Variants in DAB1 observed in about 807,000 individuals in gnomAD.
The protein encoded by DAB1 is disabled homolog 1.
A neutral mutation model predicts 64.6 loss-of-function variants in DAB1; 15 were observed. The observed-to-expected ratio is 0.23, with a 90% CI of 0.16 to 0.36. The LOEUF (loss-of-function observed/expected upper bound fraction) is 0.36, where lower values mean the gene tolerates loss of function less well. DAB1 is among the 10% of genes least tolerant of loss of function. The pLI, the probability that DAB1 is intolerant of heterozygous loss-of-function variation, is 1.00. For synonymous variants in DAB1, 235 were observed against 251.9 expected (o/e 0.93, Z 0.64); for missense variants, 596 against 706.7 (o/e 0.84, Z 1.78).
chr1:57,089,674 G>A (rs752205545), intron 4 of DAB1, among the ~76,000 whole-genome samples: 4 of 152,106 alleles, frequency 2.6e-5, no homozygotes, highest in Non-Finnish European at 5.9e-5. Flanking sequence ...ATCCGTCCCC[G>A]TGACCCAAAC....
chr1:57,716,845 G>T (rs1011221833), intron 6 of DAB1, among the ~76,000 whole-genome samples: 1 of 152,144 alleles, frequency 6.6e-6, no homozygotes, highest in Non-Finnish European at 1.5e-5. Context: ...TCTGACAGGG[G>T]TTAATACGTA....
chr1:57,494,422 T>C (rs759126848), intron 7 of DAB1, among the ~76,000 whole-genome samples: 2 of 152,224 alleles, frequency 1.3e-5, no homozygotes, highest in Non-Finnish European at 2.9e-5. Flanking sequence ...AATCCCCAGC[T>C]ACATAATCAC....
chr1:58,496,444 G>A (rs1404856465), intron 3 of DAB1, among the ~76,000 whole-genome samples: 2 of 152,082 alleles, frequency 1.3e-5, no homozygotes, highest in South Asian at 2.1e-4. Flanking sequence ...TGTTCTTGCC[G>A]CCTTGCCTGT....
chr1:57,608,240 C>CACACACAT (rs1645681402), intron 7 of DAB1, among the ~76,000 whole-genome samples: 1 of 152,114 alleles, frequency 6.6e-6, no homozygotes, highest in Non-Finnish European at 1.5e-5. Flanking sequence ...CACACACAGA[C>CACACACAT]ACACACATAC....
chr1:57,565,986 C>A (rs1022210761), intron 7 of DAB1, among the ~76,000 whole-genome samples: 1 of 152,180 alleles, frequency 6.6e-6, no homozygotes, highest in African/African-American at 2.4e-5. Context: ...CTTCTCAGCA[C>A]CACATTGCAC....
chr1:57,004,193 T>A (rs2100229761), intron 14 of DAB1, among the ~76,000 whole-genome samples: 1 of 152,270 alleles, frequency 6.6e-6, no homozygotes, highest in East Asian at 1.9e-4. Flanking sequence ...AGACTCCCAT[T>A]TCTGTGCTGG....
rs72441918 is a variant in DAB1 at position 57,294,465 on chromosome 1, C to CTT, written c.-136-3301_-136-3300dup. Among the ~76,000 whole-genome samples the CTT allele has an allele frequency of 9.4e-4, 141 of 149,496 alleles. 1 individual carries two copies. Among genetic ancestry groups the CTT allele is most frequent in the African/African-American group, 2.9e-3 (119 of 40,766 alleles). Reference sequence around the variant, plus strand: ...CACAAAGCAGAGAAAACAGATATGCCTTTTTTTTTTAAACAAAGCATGAAG... The same window carrying CTT: ...CACAAAGCAGAGAAAACAGATATGCCTTTTTTTTTTTTAAACAAAGCATGAAG... On this transcript the variant is annotated intron_variant, in intron 1 of 14. Transcript: ENST00000371236.
chr1:58,430,246 T>C (rs993478187), intron 3 of DAB1, among the ~76,000 whole-genome samples: 7 of 152,188 alleles, frequency 4.6e-5, no homozygotes, highest in Non-Finnish European at 1.0e-4. Flanking sequence ...ATAAGGTAAC[T>C]TATGTGAAAA....
At chr1:57,389,511 G>T (rs530375184) in intron 1 of DAB1, among the ~76,000 whole-genome samples, 1 of 152,230 alleles carries the variant, frequency 6.6e-6, no homozygotes, top group South Asian at 2.1e-4. Flanking sequence ...CTGTGGCCCT[G>T]CCTCAAATAT....
intron 6 of DAB1, among the ~76,000 whole-genome samples, chr1:57,687,040 C>G (rs1646705548): frequency 6.6e-6 from 1 of 152,028 alleles, no homozygotes; most frequent in Non-Finnish European, 1.5e-5. Context: ...GGAAGATTGC[C>G]AAAGCAATCA....
chr1:57,505,834 C>A (rs1262478822), intron 7 of DAB1, among the ~76,000 whole-genome samples: 3 of 152,044 alleles, frequency 2.0e-5, no homozygotes, highest in Non-Finnish European at 4.4e-5. Flanking sequence ...CCACACCTGA[C>A]AAATTTTTGT....
At chr1:57,633,666 C>G (rs553667763) in intron 7 of DAB1, among the ~76,000 whole-genome samples, 56 of 152,206 alleles carry the variant, frequency 3.7e-4, no homozygotes, top group African/African-American at 1.3e-3. Flanking sequence ...ATGTCTGATT[C>G]CCACAATTCT....
At chr1:57,650,246 G>A (rs918028279) in intron 6 of DAB1, among the ~76,000 whole-genome samples, 4 of 152,130 alleles carry the variant, frequency 2.6e-5, no homozygotes, top group Non-Finnish European at 4.4e-5. Context: ...CTAGGCTTAC[G>A]TGATCCTCCT....
chr1:57,179,519 A>G (rs575153399), intron 2 of DAB1, among the ~76,000 whole-genome samples: 1 of 152,338 alleles, frequency 6.6e-6, no homozygotes, highest in South Asian at 2.1e-4. Context: ...CACATTGTAT[A>G]TCTGTCCCTG....
intron 4 of DAB1, among the ~76,000 whole-genome samples, chr1:58,165,604 A>G (rs1446301606): frequency 6.6e-6 from 1 of 152,206 alleles, no homozygotes; most frequent in African/African-American, 2.4e-5. Context: ...TCTACCTCCA[A>G]GTGACACTCT....
intron 1 of DAB1, among the ~76,000 whole-genome samples, chr1:57,851,510 T>C (rs1264513410): frequency 1.3e-5 from 2 of 151,988 alleles, no homozygotes; most frequent in Non-Finnish European, 2.9e-5. Flanking sequence ...ATCTGAGGAG[T>C]CTTGGCATAG....
At chr1:57,746,855 G>C (rs1278800870) in intron 6 of DAB1, among the ~76,000 whole-genome samples, 1 of 151,180 alleles carries the variant, frequency 6.6e-6, no homozygotes, top group African/African-American at 2.4e-5. Flanking sequence ...GATATGGAGG[G>C]CTAAGAATAC....
rs563085780 is a variant in DAB1, at chr1:57,336,761, A to G, written c.-136-45595T>C. Among the ~76,000 whole-genome samples, 5 of 152,326 alleles carry G rather than the reference A, an allele frequency of 3.3e-5. No homozygotes were observed. In the South Asian group the frequency reaches 1.0e-3, roughly 32 times the overall value. ...CCCCTCTATGTCTACCCTGTTGATT[A>G]CAGTAATTGTCCTAAGCAATCTGTA... On this transcript the variant is annotated intron_variant, in intron 1 of 14. Coordinates refer to ENST00000371236, the MANE Select transcript of DAB1 (RefSeq NM_001365792.1).
chr1:57,501,905 A>T (rs1345554803), intron 7 of DAB1, among the ~76,000 whole-genome samples: 1 of 152,146 alleles, frequency 6.6e-6, no homozygotes, highest in East Asian at 1.9e-4. Context: ...CCCCAAATTG[A>T]GGCAGAACTT....
Sources: gnomAD v4.1 joint callset for allele counts (sites outside exome capture counted in the v4.1 genomes callset) on GRCh38, gnomAD v4.1.1 for gene constraint, MANE v1.5 for transcripts, NCBI Gene and HGNC (gene_info 2026-07-23, HGNC 2026-07-21) for gene names.